The following ZNF248 variants were observed in gnomAD, a reference collection of about 807,000 sequenced individuals.
ZNF248 encodes the protein zinc finger protein 248.
ZNF248 carries 20 observed loss-of-function variants against 44.3 expected under a neutral mutation model. The ratio of observed to expected loss-of-function variants is 0.45; its 90% CI spans 0.32 to 0.66. ZNF248 has a LOEUF of 0.66. Among genes scored for constraint, ZNF248 ranks in the 30% least tolerant of loss-of-function variants. The pLI is 0.04. For missense variants in ZNF248, 654 were observed against 677.0 expected (o/e 0.97, Z 0.38); for synonymous variants, 224 against 229.0 (o/e 0.98, Z 0.20).
At chr10:37,766,327 C>G in the ZNF248 span, among the ~76,000 whole-genome samples, 1 of 152,218 alleles carries the variant, frequency 6.6e-6, no homozygotes, top group Non-Finnish European at 1.5e-5. Flanking sequence ...GGGTCCTTGA[C>G]CCCCAAGCAA....
chr10:37,818,359 G>C (rs556712140), intron 6 of ZNF248, among the ~76,000 whole-genome samples: 1 of 152,270 alleles, frequency 6.6e-6, no homozygotes, highest in Admixed American at 6.5e-5. Context: ...GCCATACACA[G>C]TGGCCATTGA....
At chr10:37,769,197 G>A in the ZNF248 span, among the ~76,000 whole-genome samples, 1 of 152,112 alleles carries the variant, frequency 6.6e-6, no homozygotes, top group Non-Finnish European at 1.5e-5. Context: ...AGAGGTACGA[G>A]GAGGACCTGG....
intron 3 of ZNF248, among the ~76,000 whole-genome samples, chr10:37,841,494 A>G (rs1435536004): frequency 2.0e-5 from 3 of 152,184 alleles, no homozygotes; most frequent in Non-Finnish European, 4.4e-5. Context: ...AAAGTATAAA[A>G]TAACTAGCAA....
the ZNF248 span, among the ~76,000 whole-genome samples, chr10:37,765,783 C>T: frequency 1.3e-5 from 2 of 152,214 alleles, no homozygotes; most frequent in Non-Finnish European, 2.9e-5. Context: ...TGCAGCACAC[C>T]ATGCGTGAGC....
the ZNF248 span, among the ~76,000 whole-genome samples, chr10:37,768,281 A>G: frequency 1.3e-5 from 2 of 152,204 alleles, no homozygotes; most frequent in Non-Finnish European, 2.9e-5. Context: ...CAGACCTAAT[A>G]GACATCTACA....
intron 6 of ZNF248, among the ~76,000 whole-genome samples, chr10:37,800,811 G>C (rs1257311857): frequency 2.6e-5 from 4 of 151,550 alleles, no homozygotes; most frequent in Non-Finnish European, 2.9e-5. Flanking sequence ...ACCCAAGGTG[G>C]AGTGCAGTGG....
intron 6 of ZNF248, among the ~76,000 whole-genome samples, chr10:37,808,395 G>A (rs2050932993): frequency 6.6e-6 from 1 of 151,340 alleles, no homozygotes; most frequent in South Asian, 2.1e-4. Flanking sequence ...CGATTCCCCT[G>A]CCTCAGCCTC....
chr10:37,854,524 T>C (rs2134987304), intron 3 of ZNF248, among the ~76,000 whole-genome samples: 1 of 152,268 alleles, frequency 6.6e-6, no homozygotes, highest in East Asian at 1.9e-4. Flanking sequence ...CTATATGAAA[T>C]ACCACTTTTT....
Position 37,832,367 on chromosome 10 carries a change from T to G in ZNF248, c.988A>C (p.Ser330Arg). 1 of 1,614,076 alleles carries G rather than the reference T, an allele frequency of 6.2e-7. No homozygotes were observed. The highest frequency in any genetic ancestry group is 1.1e-5 in the South Asian group (1 of 91,082). The change falls in exon 6 of 6, where the codon AGT (serine) becomes CGT (arginine). Residue 330 changes from serine to arginine, a missense_variant. Transcript: ENST00000395867. Reference protein sequence around the residue: ...TRKILREYKVSDKTWEKSALL... With the variant: ...TRKILREYKVRDKTWEKSALL... ...GCTGACTTTTCCCAGGTTTTGTCAC[T>G]CACTTTATATTCACGGAGAATCTTT...
At chr10:37,788,224 C>T (rs1277204210) in intron 6 of ZNF248, among the ~76,000 whole-genome samples, 2 of 147,046 alleles carry the variant, frequency 1.4e-5, no homozygotes, top group Non-Finnish European at 3.0e-5. Flanking sequence ...AAGATCGTGC[C>T]GCTGCACCCT....
At chr10:37,820,813 G>T in intron 6 of ZNF248, 3 of 1,192,082 alleles carry the variant, frequency 2.5e-6, no homozygotes, top group Non-Finnish European at 3.7e-6. Flanking sequence ...TTTGTTTCCT[G>T]ATTTTCCAAC....
At chr10:37,835,144 G>T (rs945856120) in intron 5 of ZNF248, among the ~76,000 whole-genome samples, 2 of 151,972 alleles carry the variant, frequency 1.3e-5, no homozygotes, top group African/African-American at 4.8e-5. Flanking sequence ...AAAGAGAAAA[G>T]AACCAACTAG....
intron 6 of ZNF248, among the ~76,000 whole-genome samples, chr10:37,804,910 CTTTAT>C (rs2050345824): frequency 1.3e-5 from 2 of 151,938 alleles, no homozygotes; most frequent in South Asian, 4.1e-4. Flanking sequence ...ATTATTTATA[CTTTAT>C]TTTGTATATC....
chr10:37,843,615 T>A (rs2058753921), intron 3 of ZNF248, among the ~76,000 whole-genome samples: 1 of 152,090 alleles, frequency 6.6e-6, no homozygotes, highest in African/African-American at 2.4e-5. Context: ...GCCCAGATAT[T>A]GGACTTACTA....
Position 37,831,844 on chromosome 10 carries a change from T to G in ZNF248, c.1511A>C (p.Lys504Thr). The change falls in exon 6 of 6, where the codon AAG becomes ACG. Residue 504 changes from lysine to threonine, a missense_variant. Physicochemically the swap from Lys to Thr is moderately conservative, Grantham distance 78. Transcript: ENST00000395867. The stretch of plus-strand genomic sequence containing the variant: ...TCTTTGATGTACAATGAGGTTTGAC[T>G]TCACACAGAAGGATTTTCCACATTC... ...CNECGKSFCVKSNLIVHQRTH... is the reference protein window; with the variant it reads ...CNECGKSFCVTSNLIVHQRTH... 1 of 1,614,054 alleles carries G rather than the reference T, an allele frequency of 6.2e-7. No individual in the cohort carries two copies. The highest frequency in any genetic ancestry group is 8.5e-7 in the Non-Finnish European group (1 of 1,179,936).
At chr10:37,796,726 T>C (rs2049204574) in intron 6 of ZNF248, among the ~76,000 whole-genome samples, 1 of 152,030 alleles carries the variant, frequency 6.6e-6, no homozygotes, top group Admixed American at 6.6e-5. Context: ...AAAGTATTTG[T>C]AAAATAATAT....
chr10:37,840,921 C>T (rs1425618615), intron 3 of ZNF248, among the ~76,000 whole-genome samples: 2 of 152,134 alleles, frequency 1.3e-5, no homozygotes, highest in Non-Finnish European at 2.9e-5. Flanking sequence ...CAATAGTGGG[C>T]TATGTCAAAG....
downstream of ZNF248, among the ~76,000 whole-genome samples, chr10:37,824,145 A>C (rs1464900609): frequency 6.6e-6 from 1 of 152,174 alleles, no homozygotes; most frequent in Non-Finnish European, 1.5e-5. Flanking sequence ...TTCCAGGCTG[A>C]AGGCTCAAGA....
At chr10:37,790,356 AAT>A (rs2048359071) in intron 6 of ZNF248, among the ~76,000 whole-genome samples, 1 of 151,828 alleles carries the variant, frequency 6.6e-6, no homozygotes, top group Non-Finnish European at 1.5e-5. Context: ...GAGGCTGGAA[AAT>A]CGCTTGAGCC....
Sources: gnomAD v4.1 joint callset for allele counts (sites outside exome capture counted in the v4.1 genomes callset) on GRCh38, gnomAD v4.1.1 for gene constraint, MANE v1.5 for transcripts, NCBI Gene and HGNC (gene_info 2026-07-23, HGNC 2026-07-21) for gene names.